The following TGFBR3 variants were observed in gnomAD, a reference collection of about 807,000 sequenced individuals.
The protein encoded by TGFBR3 is transforming growth factor beta receptor type 3.
In TGFBR3, 46 loss-of-function variants were observed where a neutral mutation model predicts 87.9. The ratio of observed to expected loss-of-function variants is 0.52; its 90% confidence interval spans 0.41 to 0.67. The LOEUF (loss-of-function observed/expected upper bound fraction) is 0.67. TGFBR3 is among the 30% of genes least tolerant of loss of function. The pLI, the probability that TGFBR3 is intolerant of heterozygous loss-of-function variation, is 0.00. For synonymous variants in TGFBR3, 381 were observed against 391.6 expected (o/e 0.97, Z 0.32); for missense variants, 866 against 1,041.9 (o/e 0.83, Z 2.32).
At chr1:91,882,451 A>G (rs1250230727) in intron 1 of TGFBR3, among the ~76,000 whole-genome samples, 1 of 151,646 alleles carries the variant, frequency 6.6e-6, no homozygotes, top group East Asian at 2.0e-4. Flanking sequence ...ACTTTTTTTA[A>G]AAGTCAAGTT....
chr1:91,689,141 A>T (rs1454470405), intron 16 of TGFBR3, among the ~76,000 whole-genome samples: 2 of 152,120 alleles, frequency 1.3e-5, no homozygotes, highest in Admixed American at 6.5e-5. Context: ...CTGGCCATTC[A>T]TACCCTTCCC....
intron 1 of TGFBR3, among the ~76,000 whole-genome samples, chr1:91,873,687 C>A (rs186388672): frequency 1.1e-4 from 17 of 152,316 alleles, no homozygotes; most frequent in Non-Finnish European, 1.9e-4. Context: ...TGGCTAACGC[C>A]TGTAATCCCA....
chr1:91,893,364 A>C (rs1260639037), intron 2 of TGFBR3, among the ~76,000 whole-genome samples: 1 of 151,754 alleles, frequency 6.6e-6, no homozygotes, highest in African/African-American at 2.4e-5. Flanking sequence ...GGCCCACTAC[A>C]ACCTTCACCT....
intron 2 of TGFBR3, among the ~76,000 whole-genome samples, chr1:91,799,147 A>G (rs1675503501): frequency 1.3e-5 from 2 of 152,218 alleles, no homozygotes; most frequent in Non-Finnish European, 2.9e-5. Flanking sequence ...TTGCAAACAA[A>G]GTTCAGAACC....
At position 91,728,014 on chromosome 1, in the gene TGFBR3, A is replaced by G; in HGVS notation, c.738-208T>C. On this transcript the variant is annotated intron_variant, in intron 6 of 16. Transcript: ENST00000212355. ...TAACAATAGAAACATATGCTTGCTGATAATTAGTCACTAAAGTTTTTCTCT... is the reference window on the plus strand; with the variant it reads ...TAACAATAGAAACATATGCTTGCTGGTAATTAGTCACTAAAGTTTTTCTCT... 8.3e-6 allele frequency: 5 copies of G among 601,862 alleles called. No homozygotes were observed. The South Asian group carries it at 1.0e-4, about 12-fold the overall frequency. 37.3% of individuals were successfully genotyped at this position (601,862 alleles called of 1,614,324 possible). A position where few individuals can be genotyped will look rare whatever the true frequency, so the allele number is the denominator to read the frequency against.
Position 91,712,516 on chromosome 1 carries a change from T to C in TGFBR3, c.1893A>G (p.Glu631=). Residue 631 remains glutamate (E), a synonymous_variant, in exon 13 of 17, where the codon GAA becomes GAG. Coordinates refer to ENST00000212355, the MANE Select transcript of TGFBR3 (RefSeq NM_003243.5). ...AGCACGTTTGGATGGCAAATCCCAG[T>C]TCTTGTTCAGCCTTAGTAACAGATA... ...VEVSVTKAEQ[E]LGFAIQTCFI... The C allele has an allele frequency of 6.2e-7, 1 of 1,614,198 alleles. No individual in the cohort carries two copies. Among genetic ancestry groups the C allele is most frequent in the Non-Finnish European group, 8.5e-7 (1 of 1,180,036 alleles).
In TGFBR3 at chr1:91,845,823, T is replaced by A. The variant is rs957627226; in HGVS notation, c.61+15648A>T. Among the ~76,000 whole-genome samples the A allele has an allele frequency of 2.0e-5, 3 of 152,262 alleles. No individual in the cohort carries two copies. In the East Asian group the frequency reaches 5.8e-4, roughly 29 times the overall value. On this transcript the variant is annotated intron_variant, in intron 2 of 16. Transcript: ENST00000212355. ...ACATGAGGAACCTGACTTGTTTTAT[T>A]TTAAGAAGAAAAAACTATTTAAAGC...
At chr1:91,772,067 A>C (rs975953180) in intron 3 of TGFBR3, among the ~76,000 whole-genome samples, 6 of 152,144 alleles carry the variant, frequency 3.9e-5, no homozygotes, top group Admixed American at 3.9e-4. Context: ...AAAAAGAATA[A>C]AGAAGAATGT....
intron 2 of TGFBR3, among the ~76,000 whole-genome samples, chr1:91,820,540 G>T (rs989335811): frequency 3.3e-5 from 5 of 152,214 alleles, no homozygotes; most frequent in African/African-American, 1.2e-4. Flanking sequence ...AAAAAAATTA[G>T]CTGGGCGGGG....
intron 14 of TGFBR3, among the ~76,000 whole-genome samples, chr1:91,707,809 G>A (rs2100748993): frequency 6.6e-6 from 1 of 152,292 alleles, no homozygotes; most frequent in East Asian, 1.9e-4. Context: ...TGTGACATTT[G>A]GTTCCACCCC....
chr1:91,814,248 C>G (rs1676128771), intron 2 of TGFBR3, among the ~76,000 whole-genome samples: 1 of 152,160 alleles, frequency 6.6e-6, no homozygotes, highest in Non-Finnish European at 1.5e-5. Flanking sequence ...TACACACACA[C>G]ACATACATGC....
At chr1:91,738,067 G>A (rs1278910850) in intron 4 of TGFBR3, among the ~76,000 whole-genome samples, 2 of 152,208 alleles carry the variant, frequency 1.3e-5, no homozygotes, top group African/African-American at 2.4e-5. Context: ...TCACAAGTAA[G>A]AATTCTACCT....
chr1:91,873,103 GACT>G (rs1678646528), intron 1 of TGFBR3, among the ~76,000 whole-genome samples: 2 of 151,918 alleles, frequency 1.3e-5, no homozygotes, highest in Admixed American at 1.3e-4. Context: ...TTTAAGCAGG[GACT>G]ACAGGTGTGC....
Position 91,712,372 on chromosome 1 carries a change from C to T in TGFBR3, c.2037G>A (p.Pro679=), listed in dbSNP as rs148167041. ...YSPKRVHFPI[P]QADMDKKRFS... ...ATCGCTTCTTATCCATGTCAGCTTG[C>T]GGGATAGGAAAGTGCACTCTCTTGG... Residue 679 remains proline (P), a synonymous_variant, in exon 13 of 17, where the codon CCG becomes CCA. Coordinates refer to ENST00000212355, the MANE Select transcript of TGFBR3 (RefSeq NM_003243.5). The T allele has an allele frequency of 2.5e-5, 41 of 1,614,128 alleles. No homozygotes were observed. The East Asian group carries it at 4.9e-4, about 19-fold the overall frequency.
At chr1:91,776,452 CA>C (rs1360052096) in intron 3 of TGFBR3, among the ~76,000 whole-genome samples, 1 of 152,224 alleles carries the variant, frequency 6.6e-6, no homozygotes, top group African/African-American at 2.4e-5. Flanking sequence ...GTTGTGAATT[CA>C]AGGTTAGGTT....
chr1:91,697,786 T>C (rs2765889), intron 15 of TGFBR3, among the ~76,000 whole-genome samples: 112,771 of 152,124 alleles, frequency 0.74, 42,293 homozygotes, highest in South Asian at 0.83. Context: ...GACATAAGCA[T>C]GCAAGTCATT....
At chr1:91,722,431 T>C (rs1330417654) in intron 7 of TGFBR3, among the ~76,000 whole-genome samples, 2 of 152,200 alleles carry the variant, frequency 1.3e-5, no homozygotes, top group Non-Finnish European at 2.9e-5. Flanking sequence ...ATGCCTAGTC[T>C]ATAACTGTAC....
At chr1:91,866,950 C>A (rs1198577829) in intron 1 of TGFBR3, 1 of 152,228 alleles carries the variant, frequency 6.6e-6, no homozygotes, top group Non-Finnish European at 1.5e-5. Context: ...AGAGAACAGA[C>A]TGAAGGGAGG....
chr1:91,719,309 C>T lies in TGFBR3; in HGVS notation c.1566+3G>A, dbSNP rs1391449236. ...GCAAAGCTTTGTTCTGGAAAACACT[C>T]ACGGAGTTATAGTAGACCACACCAT... On this transcript the variant is annotated splice_donor_region_variant and intron_variant, in intron 10 of 16. Transcript: ENST00000212355. The T allele has an allele frequency of 1.9e-6, 3 of 1,614,154 alleles. No homozygotes were observed. In the South Asian group the frequency reaches 3.3e-5, roughly 18 times the overall value.
Sources: gnomAD v4.1 joint callset for allele counts (sites outside exome capture counted in the v4.1 genomes callset) on GRCh38, gnomAD v4.1.1 for gene constraint, MANE v1.5 for transcripts, NCBI Gene and HGNC (gene_info 2026-07-23, HGNC 2026-07-21) for gene names.